TASP1: variants seen among roughly 807,000 people sequenced by gnomAD.
The protein encoded by TASP1 is threonine aspartase 1.
Under a neutral mutation model 56.6 loss-of-function variants are expected in TASP1, and 16 were observed. That is an observed-to-expected ratio of 0.28 (90% CI 0.19 to 0.43). The LOEUF (loss-of-function observed/expected upper bound fraction) is 0.43, where lower values mean the gene tolerates loss of function less well. Among genes scored for constraint, TASP1 ranks in the 20% least tolerant of loss-of-function variants. TASP1 has a pLI of 1.00. For missense variants in TASP1, 393 were observed against 511.6 expected, an observed-to-expected ratio of 0.77 and a Z score of 2.24; for synonymous variants, 179 against 184.2, an observed-to-expected ratio of 0.97 and a Z score of 0.23.
the TASP1 span, among the ~76,000 whole-genome samples, chr20:13,362,530 A>C: frequency 7.0e-6 from 1 of 143,642 alleles, no homozygotes; most frequent in Non-Finnish European, 1.5e-5. Flanking sequence ...CTTTGACTGT[A>C]ATTTTCCTTT....
chr20:13,423,344 T>C (rs1004531241), intron 12 of TASP1, among the ~76,000 whole-genome samples: 1 of 152,210 alleles, frequency 6.6e-6, no homozygotes, highest in African/African-American at 2.4e-5. Context: ...ATAACTAAAA[T>C]TTCACAAAGT....
chr20:13,128,254 T>A, the TASP1 span, among the ~76,000 whole-genome samples: 1 of 152,190 alleles, frequency 6.6e-6, no homozygotes, highest in Admixed American at 6.5e-5. Flanking sequence ...GTAGGAAGCA[T>A]CCTTATGACA....
chr20:13,154,114 T>A, the TASP1 span: 1 of 1,614,182 alleles, frequency 6.2e-7, no homozygotes, highest in East Asian at 2.2e-5. Context: ...GTTCCTCTGC[T>A]TCTTTATATG....
the TASP1 span, among the ~76,000 whole-genome samples, chr20:13,195,444 T>C: frequency 6.6e-6 from 1 of 152,204 alleles, no homozygotes; most frequent in Non-Finnish European, 1.5e-5. Context: ...TCCTTTTCCA[T>C]AGCCCTCAAT....
intron 8 of TASP1, among the ~76,000 whole-genome samples, chr20:13,544,844 T>G (rs536738019): frequency 4.3e-4 from 65 of 152,320 alleles, no homozygotes; most frequent in African/African-American, 1.5e-3. Context: ...CTGAGTCTTA[T>G]AGCAGTGGGG....
At chr20:13,360,535 T>C in the TASP1 span, among the ~76,000 whole-genome samples, 1 of 152,116 alleles carries the variant, frequency 6.6e-6, no homozygotes, top group African/African-American at 2.4e-5. Context: ...GACCACACCC[T>C]GTAGCCTTTC....
At chr20:13,250,391 C>T in the TASP1 span, among the ~76,000 whole-genome samples, 4 of 152,002 alleles carry the variant, frequency 2.6e-5, no homozygotes, top group East Asian at 1.9e-4. Context: ...GTACTGAAGA[C>T]GTGAGAATGA....
At chr20:13,493,846 C>T (rs972970935) in intron 10 of TASP1, among the ~76,000 whole-genome samples, 4 of 152,230 alleles carry the variant, frequency 2.6e-5, no homozygotes, top group East Asian at 1.9e-4. Context: ...GGAGATAAAG[C>T]AGAACCTTGC....
intron 11 of TASP1, among the ~76,000 whole-genome samples, chr20:13,457,510 C>T (rs999955817): frequency 1.3e-5 from 2 of 151,976 alleles, no homozygotes; most frequent in African/African-American, 4.8e-5. Flanking sequence ...TTTAAATTAA[C>T]CTAAATTTAC....
the TASP1 span, among the ~76,000 whole-genome samples, chr20:13,117,184 C>T: frequency 2.6e-5 from 4 of 152,176 alleles, no homozygotes; most frequent in Non-Finnish European, 5.9e-5. Flanking sequence ...ATCTAGAATC[C>T]AGAATGGTCA....
intron 1 of TASP1, among the ~76,000 whole-genome samples, chr20:13,637,884 T>C (rs756944183): frequency 1.3e-5 from 2 of 152,236 alleles, no homozygotes; most frequent in African/African-American, 2.4e-5. Context: ...ATAAATTTTA[T>C]GGTGCATGAA....
intron 8 of TASP1, among the ~76,000 whole-genome samples, chr20:13,535,140 T>C (rs558896012): frequency 5.6e-4 from 86 of 152,272 alleles, no homozygotes; most frequent in African/African-American, 2.0e-3. Context: ...CTGTGTGATT[T>C]ATTGCTCACA....
chr20:13,584,403 T>A lies in TASP1; in HGVS notation c.403+2847A>T, dbSNP rs572809678. ...GATTAAGGACATTTATAAACAGGGTTAAAACGCAAGCCACACAAGAGGTAT... is the reference window on the plus strand; with the variant it reads ...GATTAAGGACATTTATAAACAGGGTAAAAACGCAAGCCACACAAGAGGTAT... On this transcript the variant is annotated intron_variant, in intron 5 of 13. Coordinates refer to ENST00000337743, the MANE Select transcript of TASP1 (RefSeq NM_017714.3). 2.0e-5 allele frequency among the ~76,000 whole-genome samples: 3 copies of A among 152,282 alleles called. No homozygotes were observed. The South Asian group carries it at 6.2e-4, about 32-fold the overall frequency.
intron 11 of TASP1, among the ~76,000 whole-genome samples, chr20:13,471,270 C>G (rs753452361): frequency 6.6e-6 from 1 of 152,084 alleles, no homozygotes; most frequent in African/African-American, 2.4e-5. Flanking sequence ...TATGGAAGTA[C>G]CATAAATCAT....
At chr20:13,206,214 G>A in the TASP1 span, among the ~76,000 whole-genome samples, 5 of 152,140 alleles carry the variant, frequency 3.3e-5, no homozygotes, top group Admixed American at 2.0e-4. Flanking sequence ...TGGAGGTATC[G>A]CCAGCTCCTG....
the TASP1 span, among the ~76,000 whole-genome samples, chr20:13,376,553 T>C: frequency 6.6e-6 from 1 of 152,256 alleles, no homozygotes; most frequent in African/African-American, 2.4e-5. Flanking sequence ...GTCTTGGCTA[T>C]ATGGGCTCTT....
chr20:13,278,288 A>C, the TASP1 span, among the ~76,000 whole-genome samples: 1 of 152,190 alleles, frequency 6.6e-6, no homozygotes, highest in South Asian at 2.1e-4. Context: ...TCTGAGAACA[A>C]GTTCTAGCTT....
chr20:13,509,961 G>C (rs1403684764), intron 10 of TASP1, among the ~76,000 whole-genome samples: 2 of 151,898 alleles, frequency 1.3e-5, no homozygotes, highest in Non-Finnish European at 2.9e-5. Flanking sequence ...TCACCTTCCT[G>C]GTCAAAAAAC....
intron 5 of TASP1, among the ~76,000 whole-genome samples, chr20:13,582,051 AC>A (rs1390007103): frequency 2.6e-5 from 4 of 151,996 alleles, no homozygotes; most frequent in African/African-American, 9.6e-5. Flanking sequence ...ATTAAGGCCA[AC>A]AGACTCCAAG....
Sources: gnomAD v4.1 joint callset for allele counts (sites outside exome capture counted in the v4.1 genomes callset) on GRCh38, gnomAD v4.1.1 for gene constraint, MANE v1.5 for transcripts, NCBI Gene and HGNC (gene_info 2026-07-23, HGNC 2026-07-21) for gene names.